Variants in JPT1 observed in about 807,000 individuals in gnomAD.
The protein encoded by JPT1 is androgen-regulated protein 2.
In JPT1, 5 loss-of-function variants were observed where a neutral mutation model predicts 17.0. The observed-to-expected ratio is 0.29, with a 90% CI of 0.15 to 0.62. JPT1 has a LOEUF of 0.62. JPT1 is among the 20% of genes least tolerant of loss of function. JPT1 has a pLI of 0.85. For missense variants in JPT1, 158 were observed against 188.1 expected, an observed-to-expected ratio of 0.84 and a Z score of 0.94; for synonymous variants, 71 against 73.6, an observed-to-expected ratio of 0.96 and a Z score of 0.18.
At chr17:75,138,336 G>A (rs753653055) in intron 4 of JPT1, 4 of 151,670 alleles carry the variant, frequency 2.6e-5, no homozygotes, top group South Asian at 2.1e-4. Flanking sequence ...TAAGATATTC[G>A]TAAAAATATT....
At chr17:75,150,549 G>A (rs1438254005) in intron 1 of JPT1, among the ~76,000 whole-genome samples, 1 of 152,022 alleles carries the variant, frequency 6.6e-6, no homozygotes, top group Admixed American at 6.5e-5. Flanking sequence ...ACTGCACCTG[G>A]CCTAATTGTT....
chr17:75,149,968 A>G (rs1019588020), intron 1 of JPT1, among the ~76,000 whole-genome samples: 11 of 152,192 alleles, frequency 7.2e-5, no homozygotes, highest in African/African-American at 1.7e-4. Context: ...AGCCATTTAC[A>G]TACTTGTACC....
At position 75,148,575 on chromosome 17, in the gene JPT1, G is replaced by T. The variant is rs1213770542; in HGVS notation, c.153C>A (p.Ile51=). ...PVRKNKMASN[I]FGTPEENQAS... is the part of the protein sequence containing the mutation. ...CTTGATTTTCTTCAGGTGTCCCAAA[G>T]ATATTAGAGGCCATTTTGTTCTTCC... The change falls in exon 2 of 5, where the codon ATC becomes ATA. Residue 51 remains isoleucine, a synonymous_variant. Transcript: ENST00000409753. The T allele has an allele frequency of 6.2e-7, 1 of 1,614,046 alleles. No individual in the cohort carries two copies. The highest frequency in any genetic ancestry group is 8.5e-7 in the Non-Finnish European group (1 of 1,180,032).
chr17:75,154,479 C>A lies in JPT1; in HGVS notation c.-82G>T, dbSNP rs550700389. 1.3e-5 allele frequency: 17 copies of A among 1,337,880 alleles called. No homozygotes were observed. In the East Asian group the frequency reaches 3.0e-4, roughly 24 times the overall value. The allele number at this position is 1,337,880 out of a possible 1,614,324, so 82.9% of individuals were successfully genotyped here. The stretch of plus-strand genomic sequence containing the variant: ...CGAGGGGCGCTGGGAAACTCCACAC[C>A]CAACAGCCGACCACCGCTGCAGGAG... On this transcript the variant is annotated 5_prime_UTR_variant, in exon 1 of 5. Transcript: ENST00000409753.
Position 75,154,502 on chromosome 17 carries a change from G to T in JPT1, c.-105C>A. 2 of 1,053,142 alleles carry T rather than the reference G, an allele frequency of 1.9e-6. No homozygotes were observed. Among genetic ancestry groups the T allele is most frequent in the African/African-American group, 1.6e-5 (1 of 61,000 alleles). The allele number at this position is 1,053,142 out of a possible 1,614,324, so 65.2% of individuals were successfully genotyped here. ...ACCCAACAGCCGACCACCGCTGCAG[G>T]AGCCGCCGCTGCCGCCTGTCCGGCC... is the stretch of plus-strand genomic sequence containing the variant. On this transcript the variant is annotated 5_prime_UTR_variant, in exon 1 of 5. Transcript: ENST00000409753.
At chr17:75,144,774 T>C (rs1203100685) in intron 4 of JPT1, among the ~76,000 whole-genome samples, 1 of 151,970 alleles carries the variant, frequency 6.6e-6, no homozygotes, top group African/African-American at 2.4e-5. Context: ...GGAAACTGGA[T>C]TGGAGGACTC....
intron 4 of JPT1, among the ~76,000 whole-genome samples, chr17:75,144,947 C>T (rs2074395347): frequency 6.6e-6 from 1 of 152,056 alleles, no homozygotes; most frequent in Non-Finnish European, 1.5e-5. Flanking sequence ...CCAGGCAATG[C>T]TCCCAAAGGC....
Position 75,140,301 on chromosome 17 carries a change from A to C in JPT1, c.317-4051T>G, listed in dbSNP as rs775416405. Reference sequence around the variant, plus strand: ...TTAAAAAAAAAAAGGGCTTTAAATGAAATTATTTCTACCAAAATATACATT... The same window carrying C: ...TTAAAAAAAAAAAGGGCTTTAAATGCAATTATTTCTACCAAAATATACATT... On this transcript the variant is annotated intron_variant, in intron 4 of 4. Transcript: ENST00000409753. 1.6e-4 allele frequency among the ~76,000 whole-genome samples: 25 copies of C among 152,306 alleles called. No homozygotes were observed. In the South Asian group the frequency reaches 2.5e-3, roughly 15 times the overall value.
At chr17:75,150,240 A>C (rs1214481243) in intron 1 of JPT1, among the ~76,000 whole-genome samples, 3 of 152,026 alleles carry the variant, frequency 2.0e-5, no homozygotes, top group Non-Finnish European at 4.4e-5. Flanking sequence ...GTTTTATAGA[A>C]ATACTTTTTT....
chr17:75,154,150 C>T (rs760285099), intron 1 of JPT1, 192 bp downstream of exon 1: 12 of 285,028 alleles, frequency 4.2e-5, no homozygotes, highest in East Asian at 1.4e-4. Context: ...AGCAGGGACC[C>T]GGGTGGGGCC....
chr17:75,146,455 T>C (rs2074436531), intron 4 of JPT1: 1 of 483,300 alleles, frequency 2.1e-6, no homozygotes, highest in Non-Finnish European at 3.7e-6. Flanking sequence ...GCCCAGCCAA[T>C]ATATGTAATT....
At chr17:75,137,806 C>T (rs1285777405) in intron 4 of JPT1, among the ~76,000 whole-genome samples, 1 of 144,308 alleles carries the variant, frequency 6.9e-6, no homozygotes, top group Non-Finnish European at 1.5e-5. Flanking sequence ...CACCACCATG[C>T]CTGATTAATT....
At chr17:75,141,898 G>A (rs1270512160) in intron 4 of JPT1, among the ~76,000 whole-genome samples, 3 of 151,814 alleles carry the variant, frequency 2.0e-5, no homozygotes, top group Non-Finnish European at 4.4e-5. Context: ...GTGAAACTCC[G>A]TCTCTACTAA....
rs2074194177 is a variant in JPT1 at position 75,136,269 on chromosome 17, G to A, written c.317-19C>T. On this transcript the variant is annotated intron_variant, in intron 4 of 4. Transcript: ENST00000409753. ...ACATTTTCTATGAAAACAGGGAATA[G>A]AAATAATACTCATAATGACAGCCAT... The A allele has an allele frequency of 3.2e-6, 5 of 1,548,184 alleles. No individual in the cohort carries two copies. In the East Asian group the frequency reaches 6.8e-5, roughly 21 times the overall value.
chr17:75,140,342 CTCTTT>C (rs1425687357), intron 4 of JPT1, among the ~76,000 whole-genome samples: 5 of 152,098 alleles, frequency 3.3e-5, no homozygotes, highest in African/African-American at 1.2e-4. Flanking sequence ...CACTCCTGGT[CTCTTT>C]TCTTTGGCAC....
chr17:75,150,847 C>CTTTTTTTTTT (rs59267123), intron 1 of JPT1, among the ~76,000 whole-genome samples: 94 of 65,812 alleles, frequency 1.4e-3, no homozygotes, highest in Non-Finnish European at 2.4e-3. Flanking sequence ...ATTTTTCTTT[C>CTTTTTTTTTT]TTTTTTTTTT....
In JPT1 at chr17:75,154,209, C is replaced by T. The variant is rs2074598882; in HGVS notation, c.56+133G>A. ...CACAAAGGCGGCGCCGACGGCAGAA[C>T]CCCGCCACCCGCCCCGGCGCGAGCA... On this transcript the variant is annotated intron_variant, in intron 1 of 4. Coordinates refer to ENST00000409753, the MANE Select transcript of JPT1 (RefSeq NM_016185.4). 5.1e-6 allele frequency: 3 copies of T among 584,018 alleles called. No homozygotes were observed. In the South Asian group the frequency reaches 2.4e-4, roughly 47 times the overall value. 36.2% of individuals were successfully genotyped at this position (584,018 alleles called of 1,614,324 possible). A position where few individuals can be genotyped will look rare whatever the true frequency, so the allele number is the denominator to read the frequency against.
At chr17:75,148,847 G>C (rs1168825069) in intron 1 of JPT1, among the ~76,000 whole-genome samples, 176 bp from the exon 2 acceptor site, 2 of 152,162 alleles carry the variant, frequency 1.3e-5, no homozygotes, top group East Asian at 3.8e-4. Flanking sequence ...TTCAGTGCTG[G>C]ATGTTAAGAT....
At chr17:75,148,439 A>G in intron 2 of JPT1, 90 bp downstream of exon 2, 2 of 1,482,382 alleles carry the variant, frequency 1.3e-6, no homozygotes, top group South Asian at 2.5e-5. Flanking sequence ...TTTTTTAGAC[A>G]CGGGGGCACA....
Sources: allele counts gnomAD v4.1 joint callset (sites outside exome capture counted in the v4.1 genomes callset), GRCh38; gene constraint gnomAD v4.1.1; transcripts MANE v1.5; gene names NCBI Gene and HGNC (gene_info 2026-07-23, HGNC 2026-07-21).